Variants in TEN1 observed in about 807,000 individuals in gnomAD.
TEN1 encodes the protein TEN1 subunit of CST complex.
A neutral mutation model predicts 9.3 loss-of-function variants in TEN1; 6 were observed. The observed-to-expected ratio is 0.65, with a 90% CI of 0.35 to 1.27. TEN1 has a LOEUF of 1.27. Ranked by LOEUF, TEN1 falls within the 50% of genes most tolerant of loss-of-function variation. The pLI, the probability that TEN1 is intolerant of heterozygous loss-of-function variation, is 0.03. For synonymous variants in TEN1, 65 were observed against 65.6 expected (o/e 0.99, Z 0.04); for missense variants, 149 against 158.2 (o/e 0.94, Z 0.31).
chr17:75,997,516 A>G (rs888514403), intron 3 of TEN1, among the ~76,000 whole-genome samples: 1 of 151,888 alleles, frequency 6.6e-6, no homozygotes, highest in African/African-American at 2.4e-5. Flanking sequence ...TGAAACGGCC[A>G]CCGACCATCA....
intron 2 of TEN1, among the ~76,000 whole-genome samples, chr17:75,987,189 AC>A (rs58694172): frequency 0.18 from 27,809 of 152,058 alleles, 5,991 homozygotes; most frequent in African/African-American, 0.52. Context: ...GAGTGGTTTA[AC>A]TGTTTGGATC....
chr17:75,991,703 G>A, intron 3 of TEN1, 80 bp downstream of exon 3: 3 of 1,186,860 alleles, frequency 2.5e-6, no homozygotes, highest in Non-Finnish European at 3.5e-6. Context: ...TGAGAAATGG[G>A]CTCGTGACCC....
At chr17:75,987,641 G>T (rs1335359116) in intron 2 of TEN1, among the ~76,000 whole-genome samples, 1 of 152,196 alleles carries the variant, frequency 6.6e-6, no homozygotes, top group Non-Finnish European at 1.5e-5. Context: ...CCTAGGCCAG[G>T]TGCGGTGGCT....
At chr17:75,988,962 G>A (rs138798330) in intron 2 of TEN1, among the ~76,000 whole-genome samples, 4,065 of 151,142 alleles carry the variant, frequency 0.027, 71 homozygotes, top group Middle Eastern at 0.09. Context: ...TAGTAGAAAC[G>A]GTGTTTCACC....
chr17:75,988,492 G>T (rs4277377), intron 2 of TEN1, among the ~76,000 whole-genome samples: 2 of 140,148 alleles, frequency 1.4e-5, no homozygotes, highest in African/African-American at 5.4e-5. Flanking sequence ...AACCTGGGAG[G>T]TTTAGGCTGC....
At chr17:75,993,111 T>TTC (rs1344565735) in intron 3 of TEN1, among the ~76,000 whole-genome samples, 2 of 148,890 alleles carry the variant, frequency 1.3e-5, no homozygotes, top group East Asian at 3.9e-4. Flanking sequence ...GTTATTTCTT[T>TTC]TTTTTTTTTT....
At position 76,000,076 on chromosome 17, in the gene TEN1, C is replaced by T; in HGVS notation, c.251-65C>T. The T allele has an allele frequency of 6.6e-7, 1 of 1,524,614 alleles. No homozygotes were observed. Among genetic ancestry groups the T allele is most frequent in the Non-Finnish European group, 8.8e-7 (1 of 1,129,994 alleles). 94.4% of individuals were successfully genotyped at this position (1,524,614 alleles called of 1,614,324 possible). A position where few individuals can be genotyped will look rare whatever the true frequency, so the allele number is the denominator to read the frequency against. ...AGCTGTGGAGGGAACAGCTGGAATG[C>T]ACCTTGGAGGACGTTGTTGACACGC... On this transcript the variant is annotated intron_variant, in intron 3 of 3. Coordinates refer to ENST00000397640, the MANE Select transcript of TEN1 (RefSeq NM_001113324.3). The surrounding 1 kb of genome is among the most constrained non-coding windows in gnomAD (Gnocchi z 5.9).
At chr17:75,986,658 G>A (rs1029791628) in intron 2 of TEN1, among the ~76,000 whole-genome samples, 16 of 151,780 alleles carry the variant, frequency 1.1e-4, no homozygotes, top group African/African-American at 2.4e-4. Context: ...CCGAAATCGC[G>A]CCATTGCACT....
chr17:75,989,405 C>T, intron 2 of TEN1, among the ~76,000 whole-genome samples: 1 of 149,084 alleles, frequency 6.7e-6, no homozygotes, highest in Non-Finnish European at 1.5e-5. Context: ...AGCCACCGCA[C>T]CTGGCCTTTT....
chr17:76,000,286 T>G lies in TEN1; in HGVS notation c.*24T>G. ...AGGAAACAGCAGCCTAGCAACACCC[T>G]CACCTGCTTCAGAGCCCGAACCCTC... On this transcript the variant is annotated 3_prime_UTR_variant, in exon 4 of 4. Coordinates refer to ENST00000397640, the MANE Select transcript of TEN1 (RefSeq NM_001113324.3). This position sits in a 1 kb window ranked among gnomAD's most constrained non-coding sequence, Gnocchi z 5.9. 6.5e-7 allele frequency: 1 copy of G among 1,545,936 alleles called. No homozygotes were observed. Among genetic ancestry groups the G allele is most frequent in the Non-Finnish European group, 8.7e-7 (1 of 1,143,658 alleles).
At position 76,000,300 on chromosome 17, in the gene TEN1, G is replaced by A; in HGVS notation, c.*38G>A. ...TAGCAACACCCTCACCTGCTTCAGA[G>A]CCCGAACCCTCTGGAGCTGCAGGAG... On this transcript the variant is annotated 3_prime_UTR_variant, in exon 4 of 4. Coordinates refer to ENST00000397640, the MANE Select transcript of TEN1 (RefSeq NM_001113324.3). The surrounding 1 kb of genome is among the most constrained non-coding windows in gnomAD (Gnocchi z 5.9). The A allele has an allele frequency of 1.3e-6, 2 of 1,539,494 alleles. No individual in the cohort carries two copies. Among genetic ancestry groups the A allele is most frequent in the South Asian group, 2.4e-5 (2 of 82,912 alleles).
At chr17:75,984,694 T>C (rs971072784) in intron 1 of TEN1, 3 of 152,308 alleles carry the variant, frequency 2.0e-5, no homozygotes, top group Non-Finnish European at 4.4e-5. Context: ...TCTGATTGTT[T>C]TGAAGCATTT....
At chr17:75,981,651 C>T (rs1023066161) in intron 1 of TEN1, among the ~76,000 whole-genome samples, 1 of 151,378 alleles carries the variant, frequency 6.6e-6, no homozygotes, top group Non-Finnish European at 1.5e-5. Context: ...CATTCTCCCC[C>T]GAGCCTAGCC....
intron 3 of TEN1, 78 bp downstream of exon 3, chr17:75,991,701 GGGCTC>G (rs151119102): frequency 0.097 from 143,599 of 1,473,192 alleles, 7,265 homozygotes; most frequent in Non-Finnish European, 0.11. Context: ...AGTGAGAAAT[GGGCTC>G]GTGACCCAAC....
chr17:75,998,686 G>C (rs1200029934), intron 3 of TEN1, among the ~76,000 whole-genome samples: 3 of 151,746 alleles, frequency 2.0e-5, no homozygotes, highest in Non-Finnish European at 4.4e-5. Context: ...CTAGAACATT[G>C]AATCTATTTA....
chr17:75,999,836 TGGGTGTCTC>T, intron 3 of TEN1, among the ~76,000 whole-genome samples: 1 of 152,156 alleles, frequency 6.6e-6, no homozygotes, highest in Non-Finnish European at 1.5e-5. Context: ...TTTTAAAATA[TGGGTGTCTC>T]TTTTCCCCGG....
At chr17:75,984,886 AAACAG>A (rs1234846832) in intron 1 of TEN1, 1 of 152,244 alleles carries the variant, frequency 6.6e-6, no homozygotes, top group African/African-American at 2.4e-5. Flanking sequence ...TTTTGCTGAC[AAACAG>A]AACAGTTCTT....
At chr17:75,981,600 T>G (rs1465822222) in intron 1 of TEN1, among the ~76,000 whole-genome samples, 1 of 151,458 alleles carries the variant, frequency 6.6e-6, no homozygotes, top group East Asian at 1.9e-4. Flanking sequence ...CAAGTTGTTT[T>G]TTTTTTTTTT....
intron 1 of TEN1, 22 bp from the exon 2 acceptor site, chr17:75,986,165 C>T (rs1375863497): frequency 6.6e-7 from 1 of 1,517,210 alleles, no homozygotes; most frequent in South Asian, 1.3e-5. Flanking sequence ...CTTCAAAATC[C>T]CTCTCAACTA....
Sources: allele counts gnomAD v4.1 joint callset (sites outside exome capture counted in the v4.1 genomes callset), GRCh38; gene constraint gnomAD v4.1.1; non-coding constraint Gnocchi (gnomAD v3.1); transcripts MANE v1.5; gene names NCBI Gene and HGNC (gene_info 2026-07-23, HGNC 2026-07-21).